The following LRP8 variants were observed in gnomAD, a reference collection of about 807,000 sequenced individuals.
LRP8 encodes the protein low-density lipoprotein receptor-related protein 8.
A neutral mutation model predicts 111.6 loss-of-function variants in LRP8; 46 were observed. The observed-to-expected ratio is 0.41, with a 90% CI of 0.33 to 0.53. The LOEUF is 0.53. Ranked by LOEUF, LRP8 falls within the 20% of genes least tolerant of loss-of-function variation. The pLI is 0.20. For synonymous variants in LRP8, 464 were observed against 511.2 expected (o/e 0.91, Z 1.24); for missense variants, 959 against 1,297.4 (o/e 0.74, Z 4.01).
At chr1:53,322,124 C>T (rs140918341) in intron 2 of LRP8, among the ~76,000 whole-genome samples, 1 of 152,244 alleles carries the variant, frequency 6.6e-6, no homozygotes, top group East Asian at 1.9e-4. Context: ...CAAGAACAAC[C>T]TCACCCACTG....
At position 53,326,974 on chromosome 1, in the gene LRP8, T is replaced by C; in HGVS notation, c.143A>G (p.Glu48Gly). The C allele has an allele frequency of 6.2e-7, 1 of 1,613,576 alleles. No homozygotes were observed. Residue 48 changes from glutamate (E) to glycine (G), a missense_variant, in exon 2 of 19, where the codon GAA becomes GGA. By Grantham distance (98) the Glu-to-Gly change is moderately conservative (BLOSUM62 -2). Coordinates refer to ENST00000306052, the MANE Select transcript of LRP8 (RefSeq NM_004631.5). ...LGGQGPAKDC[E>G]KDQFQCRNER... ...GTTCCGGCACTGGAATTGGTCCTTT[T>C]CGCAATCCTTGGCCGGCCCTGCGAG... is the stretch of plus-strand genomic sequence containing the variant.
At chr1:53,301,289 C>T (rs190379212) in intron 2 of LRP8, among the ~76,000 whole-genome samples, 48 of 152,288 alleles carry the variant, frequency 3.2e-4, no homozygotes. Flanking sequence ...GGCCCTGGGT[C>T]CTTAGCGGGT....
At chr1:53,256,107 C>G (rs1646078547) in intron 15 of LRP8, among the ~76,000 whole-genome samples, 1 of 152,226 alleles carries the variant, frequency 6.6e-6, no homozygotes, top group African/African-American at 2.4e-5. Context: ...CTTTATAGTT[C>G]AGAAAGCATT....
At chr1:53,314,699 T>C (rs1001881142) in intron 2 of LRP8, among the ~76,000 whole-genome samples, 8 of 152,138 alleles carry the variant, frequency 5.3e-5, no homozygotes, top group South Asian at 2.1e-4. Flanking sequence ...CCCGGACGCA[T>C]TGGACCCCCT....
Position 53,243,649 on chromosome 1 carries a change from T to A in LRP8, c.*3369A>T, listed in dbSNP as rs911772362. ...GCCCCCCTTGAGCCTTTTGTTCCTG[T>A]TAGAATGAACTGTGCAATTCCTAAA... On this transcript the variant is annotated 3_prime_UTR_variant, in exon 19 of 19. Coordinates refer to ENST00000306052, the MANE Select transcript of LRP8 (RefSeq NM_004631.5). 2.6e-5 allele frequency: 4 copies of A among 152,234 alleles called. No homozygotes were observed. Among genetic ancestry groups the A allele is most frequent in the African/African-American group, 9.6e-5 (4 of 41,460 alleles). 9.4% of individuals were successfully genotyped at this position (152,234 alleles called of 1,614,324 possible). A position where few individuals can be genotyped will look rare whatever the true frequency, so the allele number is the denominator to read the frequency against.
chr1:53,292,691 G>C (rs945507756), intron 2 of LRP8, among the ~76,000 whole-genome samples: 1 of 152,162 alleles, frequency 6.6e-6, no homozygotes, highest in Non-Finnish European at 1.5e-5. Flanking sequence ...GTCTCTGCCA[G>C]GTGTTTTTAC....
In LRP8 at chr1:53,257,416, G is replaced by A; in HGVS notation, c.2258C>T (p.Thr753Ile). 12 of 1,614,140 alleles carry A rather than the reference G, an allele frequency of 7.4e-6. No homozygotes were observed. Among genetic ancestry groups the A allele is most frequent in the Non-Finnish European group, 1.0e-5 (12 of 1,180,020 alleles). Residue 753 changes from threonine (T) to isoleucine (I), a missense_variant, in exon 15 of 19, where the codon ACA (threonine) becomes ATA (isoleucine). Thr to Ile is a moderately conservative substitution (Grantham distance 89). Around this residue, in one of 3 missense-constraint regions of LRP8, gnomAD observed 819 missense variants for 1,097.6 expected, o/e 0.75. Coordinates refer to ENST00000306052, the MANE Select transcript of LRP8 (RefSeq NM_004631.5). ...TTTLASTMTR[T>I]VPATTRAPGT... Reference sequence around the variant, plus strand: ...GGGGGCTCTTGTGGTGGCAGGTACTGTCCTCGTCATGGTAGAAGCTAACGT... The same window carrying A: ...GGGGGCTCTTGTGGTGGCAGGTACTATCCTCGTCATGGTAGAAGCTAACGT...
At chr1:53,298,705 G>A (rs757293003) in intron 2 of LRP8, among the ~76,000 whole-genome samples, 1 of 152,130 alleles carries the variant, frequency 6.6e-6, no homozygotes, top group Non-Finnish European at 1.5e-5. Flanking sequence ...CAGTGGAAAC[G>A]TGGCCTCCTC....
Position 53,288,863 on chromosome 1 carries a change from G to A in LRP8, c.367+704C>T, listed in dbSNP as rs950330136. 2.0e-5 allele frequency among the ~76,000 whole-genome samples: 3 copies of A among 152,312 alleles called. No homozygotes were observed. In the East Asian group the frequency reaches 5.8e-4, roughly 29 times the overall value. On this transcript the variant is annotated intron_variant, in intron 3 of 18. Coordinates refer to ENST00000306052, the MANE Select transcript of LRP8 (RefSeq NM_004631.5). ...TCACAGAATGACCTGCCGGGTGTAA[G>A]TTTGCTTTGAGGATTAGGGCCTGGA...
rs773281713 is a variant in LRP8, at chr1:53,247,030, A to G, written c.2880T>C (p.Asp960=). 7 of 1,604,668 alleles carry G rather than the reference A, an allele frequency of 4.4e-6. No individual in the cohort carries two copies. The highest frequency in any genetic ancestry group is 6.0e-6 in the Non-Finnish European group (7 of 1,176,458). ...SKRVALSLED[D]GLP ...GGTGATCCCATCCTCAGGGTAGTCC[A>G]TCATCTTCAAGGCTTAATGCCACTC... is the stretch of plus-strand genomic sequence containing the variant. Residue 960 remains aspartate, a synonymous_variant, in exon 19 of 19, where the codon GAT becomes GAC. Coordinates refer to ENST00000306052, the MANE Select transcript of LRP8 (RefSeq NM_004631.5).
rs1165378015 is a variant in LRP8 at position 53,276,886 on chromosome 1, C to T, written c.689G>A (p.Arg230His). 7.1e-6 allele frequency: 10 copies of T among 1,411,974 alleles called. No individual in the cohort carries two copies. The Admixed American group carries it at 2.3e-4, about 33-fold the overall frequency. 87.5% of individuals were successfully genotyped at this position (1,411,974 alleles called of 1,614,324 possible). The change falls in exon 5 of 19, where the codon CGC becomes CAC. Residue 230 changes from arginine to histidine, a missense_variant. Coordinates refer to ENST00000306052, the MANE Select transcript of LRP8 (RefSeq NM_004631.5). ...ACIPERWVCD[R>H]QFDCEDRSDE... ...CGAGCGGTCCTCGCAGTCAAACTGG[C>T]GGTCGCAGACCCAGCGCTCCGGGAT...
At chr1:53,315,280 A>T (rs750154689) in intron 2 of LRP8, among the ~76,000 whole-genome samples, 15 of 151,826 alleles carry the variant, frequency 9.9e-5, no homozygotes, top group Admixed American at 2.6e-4. Flanking sequence ...GGCTCCTCCT[A>T]CTCCACCCCG....
intron 1 of LRP8, 26 bp downstream of exon 1, chr1:53,327,763 C>T: frequency 1.3e-6 from 2 of 1,489,554 alleles, no homozygotes; most frequent in Non-Finnish European, 1.8e-6. Flanking sequence ...CGGAGCAGAG[C>T]CGAGTCAGAG....
At position 53,326,916 on chromosome 1, in the gene LRP8, G is replaced by A. The variant is rs138158729; in HGVS notation, c.201C>T (p.Asp67=). ...TGTGGTCTAAGCAGTCATCGTCCTC[G>A]TCGCATCTCCACACAGAGGGGATGC... The part of the protein sequence containing the change: ...ERCIPSVWRC[D]EDDDCLDHSD... The change falls in exon 2 of 19, where the codon GAC becomes GAT. Residue 67 remains aspartate, a synonymous_variant. Coordinates refer to ENST00000306052, the MANE Select transcript of LRP8 (RefSeq NM_004631.5). 3.1e-6 allele frequency: 5 copies of A among 1,613,786 alleles called. No individual in the cohort carries two copies. The African/African-American group carries it at 6.7e-5, about 22-fold the overall frequency.
In LRP8 at chr1:53,327,881, A is replaced by G; in HGVS notation, c.32T>C (p.Leu11Pro). 6.7e-7 allele frequency: 1 copy of G among 1,498,826 alleles called. No individual in the cohort carries two copies. Among genetic ancestry groups the G allele is most frequent in the Non-Finnish European group, 8.9e-7 (1 of 1,129,072 alleles). The allele number at this position is 1,498,826 out of a possible 1,614,324, so 92.8% of individuals were successfully genotyped here. Residue 11 changes from leucine (L) to proline (P), a missense_variant, in exon 1 of 19, where the codon CTT becomes CCT. By Grantham distance (98) the Leu-to-Pro change is moderately conservative. Around this residue, in one of 3 missense-constraint regions of LRP8, gnomAD observed 97 missense variants for 107.5 expected, o/e 0.90. Coordinates refer to ENST00000306052, the MANE Select transcript of LRP8 (RefSeq NM_004631.5). Reference sequence around the variant, plus strand: ...CAGCAGCAGCAGCAGCAGCGCCAGAAGCCGGAGAGGGCCCGGCTCGGGGAG... The same window carrying G: ...CAGCAGCAGCAGCAGCAGCGCCAGAGGCCGGAGAGGGCCCGGCTCGGGGAG... The part of the protein sequence containing the change: MGLPEPGPLR[L>P]LALLLLLLLL...
Position 53,260,360 on chromosome 1 carries a change from G to A in LRP8, c.2056+104C>T, listed in dbSNP as rs919357407. On this transcript the variant is annotated intron_variant, in intron 13 of 18. Coordinates refer to ENST00000306052, the MANE Select transcript of LRP8 (RefSeq NM_004631.5). ...AGGGATTGTTGTTATTATTCCTGGGGTTGCTGAGTTGTGACCTGAATGTGA... is the reference window on the plus strand; with the variant it reads ...AGGGATTGTTGTTATTATTCCTGGGATTGCTGAGTTGTGACCTGAATGTGA... 22 of 984,744 alleles carry A rather than the reference G, an allele frequency of 2.2e-5. No homozygotes were observed. In the South Asian group the frequency reaches 3.2e-4, roughly 14 times the overall value. The allele number at this position is 984,744 out of a possible 1,614,324, so 61.0% of individuals were successfully genotyped here.
intron 2 of LRP8, among the ~76,000 whole-genome samples, chr1:53,325,373 G>C (rs1320832811): frequency 6.6e-6 from 1 of 152,204 alleles, no homozygotes; most frequent in Non-Finnish European, 1.5e-5. Context: ...GAAGATTAAA[G>C]GAGTTTATAC....
chr1:53,326,699 G>A (rs1655173977), intron 2 of LRP8, among the ~76,000 whole-genome samples, 174 bp downstream of exon 2: 1 of 152,218 alleles, frequency 6.6e-6, no homozygotes, highest in South Asian at 2.1e-4. Flanking sequence ...GGGTCGCTAA[G>A]AGCCACCCGG....
rs770011474 is a variant in LRP8, at chr1:53,266,685, C to T, written c.1253-38G>A. On this transcript the variant is annotated intron_variant, in intron 8 of 18. Coordinates refer to ENST00000306052, the MANE Select transcript of LRP8 (RefSeq NM_004631.5). This position sits in a 1 kb window ranked among gnomAD's most constrained non-coding sequence, Gnocchi z 5.0. Reference sequence around the variant, plus strand: ...GAGGTTGAAAGAGAAAGAGTCAGTGCAAGAGGCAGGGAGCCTGGAGACCAA... The same window carrying T: ...GAGGTTGAAAGAGAAAGAGTCAGTGTAAGAGGCAGGGAGCCTGGAGACCAA... 1.1e-5 allele frequency: 18 copies of T among 1,598,522 alleles called. No individual in the cohort carries two copies. Among genetic ancestry groups the T allele is most frequent in the East Asian group, 2.2e-5 (1 of 44,668 alleles).
Sources: gnomAD v4.1 joint callset for allele counts (sites outside exome capture counted in the v4.1 genomes callset) on GRCh38, gnomAD v4.1.1 for gene constraint, gnomAD v4.1.1 regional missense constraint, Gnocchi (gnomAD v3.1) non-coding constraint, MANE v1.5 for transcripts, NCBI Gene and HGNC (gene_info 2026-07-23, HGNC 2026-07-21) for gene names.